Variants in PCDHGB3 observed in about 807,000 individuals in gnomAD.
The protein encoded by PCDHGB3 is protocadherin gamma subfamily B, 3, also known as protocadherin gamma-B3.
A neutral mutation model predicts 59.2 loss-of-function variants in PCDHGB3; 40 were observed. The observed-to-expected ratio is 0.68, with a 90% CI of 0.52 to 0.88. PCDHGB3 has a LOEUF of 0.88. PCDHGB3 is among the 40% of genes least tolerant of loss of function. The pLI is 0.00. For missense variants in PCDHGB3, 1,309 were observed against 1,187.9 expected (o/e 1.10, Z -1.50); for synonymous variants, 581 against 503.6 (o/e 1.15, Z -2.06).
Position 141,370,436 on chromosome 5 carries a change from G to T in PCDHGB3, c.42G>T (p.Arg14Ser). ...SSGWRGPAGQ[R>S]RMLFLFLLSL... ...GATGGAGGGGCCCAGCAGGGCAGAG[G>T]CGAATGCTATTTCTCTTCCTGCTCT... The change falls in exon 1 of 4, where the codon AGG becomes AGT. Residue 14 changes from arginine (R) to serine (S), a missense_variant. By Grantham distance (110) the Arg-to-Ser change is moderately radical (BLOSUM62 -1). Transcript: ENST00000576222. 1 of 1,604,136 alleles carries T rather than the reference G, an allele frequency of 6.2e-7. No homozygotes were observed. Among genetic ancestry groups the T allele is most frequent in the Non-Finnish European group, 8.5e-7 (1 of 1,174,984 alleles).
chr5:141,408,344 G>A, intron 1 of PCDHGB3: 1 of 1,613,958 alleles, frequency 6.2e-7, no homozygotes, highest in East Asian at 2.2e-5. Flanking sequence ...CTCGGTGGTG[G>A]GGAACCTCGC....
chr5:141,413,445 C>A (rs764464917), intron 1 of PCDHGB3: 1 of 1,613,986 alleles, frequency 6.2e-7, no homozygotes, highest in Admixed American at 1.7e-5. Flanking sequence ...GCTTGATCAC[C>A]GCGGGCAGGA....
intron 1 of PCDHGB3, among the ~76,000 whole-genome samples, chr5:141,401,330 A>G (rs1377404173): frequency 6.6e-6 from 1 of 152,218 alleles, no homozygotes. Context: ...CAACAAGAGC[A>G]AAACTCCATC....
intron 1 of PCDHGB3, among the ~76,000 whole-genome samples, chr5:141,430,014 G>A (rs925858697): frequency 6.6e-6 from 1 of 152,130 alleles, no homozygotes; most frequent in South Asian, 2.1e-4. Context: ...TTTCACTTGG[G>A]TTCTTGTTAA....
intron 1 of PCDHGB3, among the ~76,000 whole-genome samples, chr5:141,456,625 C>T (rs544550965): frequency 4.6e-5 from 7 of 152,288 alleles, no homozygotes; most frequent in African/African-American, 1.4e-4. Flanking sequence ...AGATTTGCCT[C>T]TTCTTTACTA....
In PCDHGB3 at chr5:141,486,708, C is replaced by A; in HGVS notation, c.2416-8099C>A. On this transcript the variant is annotated intron_variant, in intron 1 of 3. Transcript: ENST00000576222. The surrounding 1 kb of genome is among the most constrained non-coding windows in gnomAD (Gnocchi z 5.0). ...GCTTCCTCTTTCATCTCTCTGAACC[C>A]CCAGACAGGAGCTGTTCATGCTACT... is the stretch of plus-strand genomic sequence containing the variant. 6.2e-7 allele frequency: 1 copy of A among 1,614,180 alleles called. No individual in the cohort carries two copies. Among genetic ancestry groups the A allele is most frequent in the South Asian group, 1.1e-5 (1 of 91,084 alleles).
At chr5:141,440,954 G>A (rs908507291) in intron 1 of PCDHGB3, 9 of 152,184 alleles carry the variant, frequency 5.9e-5, no homozygotes, top group Non-Finnish European at 1.0e-4. Flanking sequence ...GAGTGTCAAG[G>A]CAGAGATCAC....
At chr5:141,503,555 C>T (rs1010409481) in intron 2 of PCDHGB3, among the ~76,000 whole-genome samples, 2 of 148,816 alleles carry the variant, frequency 1.3e-5, no homozygotes, top group African/African-American at 5.0e-5. Context: ...GCCGAGATCG[C>T]GCCACTGTAC....
chr5:141,431,206 G>A lies in PCDHGB3; in HGVS notation c.2415+58397G>A, dbSNP rs17097300. On this transcript the variant is annotated intron_variant, in intron 1 of 3. Coordinates refer to ENST00000576222, the MANE Select transcript of PCDHGB3 (RefSeq NM_018924.5). The surrounding 1 kb of genome is among the most constrained non-coding windows in gnomAD (Gnocchi z 4.8). ...AAATTAGTGAAAATGCAGCCACTGA[G>A]ATGCGGTTCCCTCTACCCCACGCCT... The A allele has an allele frequency of 0.041, 66,767 of 1,614,172 alleles. 3,763 individuals carry two copies. Among genetic ancestry groups the A allele is most frequent in the Admixed American group, 0.27 (16,026 of 60,028 alleles).
Position 141,372,293 on chromosome 5 carries a change from C to A in PCDHGB3, c.1899C>A (p.Gly633=), listed in dbSNP as rs779422890. Reference sequence around the variant, plus strand: ...AGGTGCGCACGGCGCGTACCTTGGGCGACAGGGAGGCCGCCCGCCAGCGCC... The same window carrying A: ...AGGTGCGCACGGCGCGTACCTTGGGAGACAGGGAGGCCGCCCGCCAGCGCC... ...TGEVRTARTL[G]DREAARQRLL... is the part of the protein sequence containing the mutation. The change falls in exon 1 of 4, where the codon GGC becomes GGA. Residue 633 remains glycine (G), a synonymous_variant. Coordinates refer to ENST00000576222, the MANE Select transcript of PCDHGB3 (RefSeq NM_018924.5). 1.9e-6 allele frequency: 3 copies of A among 1,613,106 alleles called. No homozygotes were observed. In the East Asian group the frequency reaches 6.7e-5, roughly 36 times the overall value.
In PCDHGB3 at chr5:141,418,027, T is replaced by C. The variant is rs536104184; in HGVS notation, c.2415+45218T>C. On this transcript the variant is annotated intron_variant, in intron 1 of 3. Coordinates refer to ENST00000576222, the MANE Select transcript of PCDHGB3 (RefSeq NM_018924.5). ...GGAACCTCGCTAAGGATCTAGGGCT[T>C]AGTGTCCTGGATGTGTCGGCTCGCG... is the stretch of plus-strand genomic sequence containing the variant. 144 of 1,613,732 alleles carry C rather than the reference T, an allele frequency of 8.9e-5. No homozygotes were observed. The East Asian group carries it at 1.2e-3, about 14-fold the overall frequency.
chr5:141,489,800 A>G lies in PCDHGB3; in HGVS notation c.2416-5007A>G. 6.2e-7 allele frequency: 1 copy of G among 1,614,166 alleles called. No homozygotes were observed. Among genetic ancestry groups the G allele is most frequent in the Non-Finnish European group, 8.5e-7 (1 of 1,179,994 alleles). On this transcript the variant is annotated intron_variant, in intron 1 of 3. Coordinates refer to ENST00000576222, the MANE Select transcript of PCDHGB3 (RefSeq NM_018924.5). This position sits in a 1 kb window ranked among gnomAD's most constrained non-coding sequence, Gnocchi z 4.5. ...TCTCTGAATGTGAAGACCCTAAAAG[A>G]TGGGAAGCCATTCCCAGAGCTGGTG...
In PCDHGB3 at chr5:141,409,944, C is replaced by T. The variant is rs779095634; in HGVS notation, c.2415+37135C>T. The T allele has an allele frequency of 6.2e-7, 1 of 1,613,302 alleles. No individual in the cohort carries two copies. The highest frequency in any genetic ancestry group is 1.7e-5 in the Admixed American group (1 of 60,024). On this transcript the variant is annotated intron_variant, in intron 1 of 3. Transcript: ENST00000576222. ...GCGTTCTTCGATATGGTACCTCGCTCTGCAGAGCCCGGCTACCTAGTGACT... is the reference window on the plus strand; with the variant it reads ...GCGTTCTTCGATATGGTACCTCGCTTTGCAGAGCCCGGCTACCTAGTGACT...
At chr5:141,394,549 C>T in intron 1 of PCDHGB3, 1 of 1,614,140 alleles carries the variant, frequency 6.2e-7, no homozygotes, top group Non-Finnish European at 8.5e-7. Flanking sequence ...GAGCTGGCGC[C>T]CCGCTCCGCA....
chr5:141,430,705 T>C (rs914464861), intron 1 of PCDHGB3: 3 of 1,477,958 alleles, frequency 2.0e-6, no homozygotes, highest in African/African-American at 2.8e-5. Flanking sequence ...AAGGAACTGC[T>C]CCTGACTTCA....
chr5:141,423,985 C>T (rs1334591897), intron 1 of PCDHGB3: 2 of 1,100,512 alleles, frequency 1.8e-6, no homozygotes, highest in Non-Finnish European at 2.2e-6. Flanking sequence ...ATGAGGCTCT[C>T]AATTTATTAT....
Position 141,489,552 on chromosome 5 carries a change from G to T in PCDHGB3, c.2416-5255G>T, listed in dbSNP as rs2099688780. ...GTGGAGCCAGCACCAGCTGCCTGCTGCCAGTGCAGGTGGTGACTGAACACC... is the reference window on the plus strand; with the variant it reads ...GTGGAGCCAGCACCAGCTGCCTGCTTCCAGTGCAGGTGGTGACTGAACACC... On this transcript the variant is annotated intron_variant, in intron 1 of 3. Coordinates refer to ENST00000576222, the MANE Select transcript of PCDHGB3 (RefSeq NM_018924.5). The surrounding 1 kb of genome is among the most constrained non-coding windows in gnomAD (Gnocchi z 4.5). The T allele has an allele frequency of 6.2e-7, 1 of 1,613,988 alleles. No homozygotes were observed. The highest frequency in any genetic ancestry group is 1.7e-5 in the Admixed American group (1 of 60,000).
rs374140638 is a variant in PCDHGB3 at position 141,487,759 on chromosome 5, C to T, written c.2416-7048C>T. ...TTGTAAGAGGTAACTATGTGGTAGA[C>T]GCTGTGCTTTGTAACTGTTTCGTGA... On this transcript the variant is annotated intron_variant, in intron 1 of 3. Transcript: ENST00000576222. The surrounding 1 kb of genome is among the most constrained non-coding windows in gnomAD (Gnocchi z 5.0). 45 of 1,546,278 alleles carry T rather than the reference C, an allele frequency of 2.9e-5. No individual in the cohort carries two copies. The highest frequency in any genetic ancestry group is 1.1e-4 in the African/African-American group (8 of 73,160).
rs751177252 is a variant in PCDHGB3 at position 141,415,407 on chromosome 5, T to G, written c.2415+42598T>G. The G allele has an allele frequency of 1.9e-6, 3 of 1,614,086 alleles. No homozygotes were observed. The African/African-American group carries it at 4.0e-5, about 22-fold the overall frequency. ...TGACAGGTGTGTCCGGCTCGCACTTTGTGGGCGTGGACGGGGTTCGGGCTT... is the reference window on the plus strand; with the variant it reads ...TGACAGGTGTGTCCGGCTCGCACTTGGTGGGCGTGGACGGGGTTCGGGCTT... On this transcript the variant is annotated intron_variant, in intron 1 of 3. Transcript: ENST00000576222.
Sources: allele counts gnomAD v4.1 joint callset (sites outside exome capture counted in the v4.1 genomes callset), GRCh38; gene constraint gnomAD v4.1.1; non-coding constraint Gnocchi (gnomAD v3.1); transcripts MANE v1.5; gene names NCBI Gene and HGNC (gene_info 2026-07-23, HGNC 2026-07-21).